The following ELAPOR2 variants were observed in gnomAD, a reference collection of about 807,000 sequenced individuals.
ELAPOR2 encodes the protein endosome-lysosome associated apoptosis and autophagy regulator family member 2, also known as endosome/lysosome-associated apoptosis and autophagy regulator family member 2.
ELAPOR2 carries 89 observed loss-of-function variants against 120.7 expected under a neutral mutation model. The observed-to-expected ratio is 0.74, with a 90% confidence interval of 0.62 to 0.88. The LOEUF is 0.88. Ranked by LOEUF, ELAPOR2 falls within the 40% of genes least tolerant of loss-of-function variation. The probability of loss-of-function intolerance (pLI) is 0.00; values close to 1 mark genes in which losing one functional copy is unlikely to be tolerated. For synonymous variants in ELAPOR2, 444 were observed against 444.9 expected, an observed-to-expected ratio of 1.00 and a Z score of 0.03; for missense variants, 1,134 against 1,251.6, an observed-to-expected ratio of 0.91 and a Z score of 1.42.
At chr7:87,024,318 T>C (rs1447892317) in intron 1 of ELAPOR2, among the ~76,000 whole-genome samples, 1 of 152,228 alleles carries the variant, frequency 6.6e-6, no homozygotes, top group Non-Finnish European at 1.5e-5. Flanking sequence ...TCTATTGAGA[T>C]AGTCATGTGG....
intron 1 of ELAPOR2, among the ~76,000 whole-genome samples, chr7:87,054,578 A>G (rs1480340895): frequency 6.6e-6 from 1 of 152,220 alleles, no homozygotes; most frequent in East Asian, 1.9e-4. Flanking sequence ...CATGGCCTTC[A>G]GGGACTTCCT....
At chr7:86,954,335 T>G (rs759542366) in intron 2 of ELAPOR2, among the ~76,000 whole-genome samples, 3 of 152,234 alleles carry the variant, frequency 2.0e-5, no homozygotes, top group African/African-American at 4.8e-5. Flanking sequence ...AAAGAACATC[T>G]ATTTTTAATC....
chr7:87,003,408 T>C (rs1793379373), intron 1 of ELAPOR2, among the ~76,000 whole-genome samples: 1 of 152,072 alleles, frequency 6.6e-6, no homozygotes, highest in Non-Finnish European at 1.5e-5. Flanking sequence ...AGGAGGTGAT[T>C]TGATCATGGG....
intron 1 of ELAPOR2, among the ~76,000 whole-genome samples, chr7:87,031,575 G>A (rs17161233): frequency 4.6e-5 from 7 of 152,070 alleles, no homozygotes; most frequent in South Asian, 2.1e-4. Context: ...TCAGAACAGC[G>A]TTAAATACTG....
chr7:86,881,942 T>C (rs965575037), intron 21 of ELAPOR2, among the ~76,000 whole-genome samples: 4 of 152,222 alleles, frequency 2.6e-5, no homozygotes, highest in South Asian at 4.1e-4. Flanking sequence ...AGGGTAAGTT[T>C]GCTTTTGTGT....
intron 18 of ELAPOR2, among the ~76,000 whole-genome samples, chr7:86,907,275 C>G (rs563291951): frequency 6.6e-6 from 1 of 152,010 alleles, no homozygotes; most frequent in African/African-American, 2.4e-5. Flanking sequence ...GGTTAGATTA[C>G]TTAATCTTGA....
At chr7:87,027,809 T>C (rs1794293727) in intron 1 of ELAPOR2, among the ~76,000 whole-genome samples, 1 of 152,114 alleles carries the variant, frequency 6.6e-6, no homozygotes, top group Non-Finnish European at 1.5e-5. Flanking sequence ...ATTTGTGTTG[T>C]GTAAGCCACC....
chr7:87,030,511 C>T (rs80290248), intron 1 of ELAPOR2, among the ~76,000 whole-genome samples: 3,687 of 152,198 alleles, frequency 0.024, 169 homozygotes, highest in African/African-American at 0.085. Context: ...TGATTTATGG[C>T]ATTAAACTGA....
chr7:87,013,653 A>T (rs1407514767), intron 1 of ELAPOR2, among the ~76,000 whole-genome samples: 2 of 152,088 alleles, frequency 1.3e-5, no homozygotes, highest in Non-Finnish European at 2.9e-5. Context: ...GCAATGACAG[A>T]CTCTCAGTAA....
At chr7:86,970,213 G>A (rs1792059157) in intron 1 of ELAPOR2, among the ~76,000 whole-genome samples, 1 of 152,158 alleles carries the variant, frequency 6.6e-6, no homozygotes, top group South Asian at 2.1e-4. Context: ...TACAGCAGAT[G>A]ACCACAAATT....
chr7:87,054,999 T>C (rs1369145136), intron 1 of ELAPOR2, among the ~76,000 whole-genome samples: 1 of 152,210 alleles, frequency 6.6e-6, no homozygotes, highest in Non-Finnish European at 1.5e-5. Context: ...TCTGTCCCCT[T>C]TCATGTAGGT....
chr7:86,925,514 G>C lies in ELAPOR2; in HGVS notation c.1399+14C>G. ...ATTGCTGAAATACATCAAGTAGGCT[G>C]ATTTTGAACTTACCATTCATTCCAT... On this transcript the variant is annotated intron_variant, in intron 10 of 21. Transcript: ENST00000450689. 1 of 1,610,306 alleles carries C rather than the reference G, an allele frequency of 6.2e-7. No individual in the cohort carries two copies. The highest frequency in any genetic ancestry group is 8.5e-7 in the Non-Finnish European group (1 of 1,177,456).
intron 1 of ELAPOR2, among the ~76,000 whole-genome samples, chr7:86,995,819 A>T (rs1424983315): frequency 6.6e-6 from 1 of 152,240 alleles, no homozygotes; most frequent in African/African-American, 2.4e-5. Context: ...TTTTGAAGAA[A>T]TATTAAGTAT....
chr7:87,022,183 C>T (rs1048707806), intron 1 of ELAPOR2, among the ~76,000 whole-genome samples: 3 of 151,572 alleles, frequency 2.0e-5, no homozygotes, highest in Admixed American at 2.0e-4. Context: ...CACCAATTAA[C>T]TCGTCATTTA....
At chr7:86,882,871 T>G (rs907817085) in intron 21 of ELAPOR2, among the ~76,000 whole-genome samples, 5 of 152,162 alleles carry the variant, frequency 3.3e-5, no homozygotes, top group Non-Finnish European at 7.4e-5. Context: ...ATGATCTTTT[T>G]CAGCTCTAAA....
At chr7:87,035,606 C>A (rs1387558544) in intron 1 of ELAPOR2, among the ~76,000 whole-genome samples, 1 of 152,150 alleles carries the variant, frequency 6.6e-6, no homozygotes, top group African/African-American at 2.4e-5. Context: ...CACCCTTTGT[C>A]AATATCCCTC....
At chr7:86,950,420 G>A (rs1251149687) in intron 2 of ELAPOR2, among the ~76,000 whole-genome samples, 1 of 152,130 alleles carries the variant, frequency 6.6e-6, no homozygotes, top group Non-Finnish European at 1.5e-5. Flanking sequence ...AGACCTGGAA[G>A]CTCCCCAAGT....
Position 86,947,917 on chromosome 7 carries a change from A to G in ELAPOR2, c.316T>C (p.Ser106Pro), listed in dbSNP as rs1791073751. ...DPVRGKECTF[S>P]CASGEYLEMK... ...TCTAGATACTCTCCAGAAGCACAGG[A>G]GAAAGCTGGAAGGCAGAAGAATGGA... The change falls in exon 3 of 22, where the codon TCC (serine) becomes CCC (proline). Residue 106 changes from serine to proline, a missense_variant. Coordinates refer to ENST00000450689, the MANE Select transcript of ELAPOR2 (RefSeq NM_001142749.3). 6.5e-7 allele frequency: 1 copy of G among 1,549,974 alleles called. No homozygotes were observed. Among genetic ancestry groups the G allele is most frequent in the Non-Finnish European group, 8.7e-7 (1 of 1,145,290 alleles).
chr7:87,037,398 T>C (rs1794621277), intron 1 of ELAPOR2, among the ~76,000 whole-genome samples: 2 of 150,554 alleles, frequency 1.3e-5, no homozygotes, highest in African/African-American at 4.9e-5. Flanking sequence ...TTTATCTCAA[T>C]AAAAGACAGC....
Sources: allele counts gnomAD v4.1 joint callset (sites outside exome capture counted in the v4.1 genomes callset), GRCh38; gene constraint gnomAD v4.1.1; transcripts MANE v1.5; gene names NCBI Gene and HGNC (gene_info 2026-07-23, HGNC 2026-07-21).